The following PKD1L1 variants were observed in gnomAD, a reference collection of about 807,000 sequenced individuals.
PKD1L1 encodes polycystin 1 like 1, transient receptor potential channel interacting.
Under a neutral mutation model 323.4 loss-of-function variants are expected in PKD1L1, and 236 were observed. The ratio of observed to expected loss-of-function variants is 0.73; its 90% CI spans 0.66 to 0.81. The LOEUF is 0.81. PKD1L1 is among the 40% of genes least tolerant of loss of function. PKD1L1 has a pLI of 0.00. For missense variants in PKD1L1, 3,320 were observed against 3,508.0 expected (o/e 0.95, Z 1.35); for synonymous variants, 1,344 against 1,335.0 (o/e 1.01, Z -0.15).
intron 15 of PKD1L1, among the ~76,000 whole-genome samples, chr7:47,892,169 A>G (rs748508395): frequency 1.3e-5 from 2 of 152,198 alleles, no homozygotes; most frequent in Admixed American, 1.3e-4. Context: ...GAAAGATGCC[A>G]TCAAATCAGG....
chr7:47,780,195 A>G (rs12113948), intron 56 of PKD1L1, among the ~76,000 whole-genome samples: 1 of 151,952 alleles, frequency 6.6e-6, no homozygotes, highest in Non-Finnish European at 1.5e-5. Context: ...AATTAACGTA[A>G]AGAACATTCC....
chr7:47,778,565 C>A (rs1786621307), intron 56 of PKD1L1, among the ~76,000 whole-genome samples: 1 of 152,116 alleles, frequency 6.6e-6, no homozygotes, highest in Non-Finnish European at 1.5e-5. Flanking sequence ...CAATAATGCA[C>A]CTGTATTTGA....
intron 56 of PKD1L1, among the ~76,000 whole-genome samples, chr7:47,786,271 G>A (rs1354876718): frequency 6.6e-6 from 1 of 152,204 alleles, no homozygotes; most frequent in Non-Finnish European, 1.5e-5. Flanking sequence ...GAAAAGCTAA[G>A]TATTCTAAAT....
intron 56 of PKD1L1, among the ~76,000 whole-genome samples, chr7:47,788,578 T>TATATATATATA (rs372725570): frequency 9.7e-5 from 7 of 71,920 alleles, no homozygotes; most frequent in South Asian, 7.3e-4. Flanking sequence ...TATATATATA[T>TATATATATATA]TTTTTTTTTT....
At chr7:47,832,572 T>C (rs1012369200) in intron 41 of PKD1L1, among the ~76,000 whole-genome samples, 2 of 152,172 alleles carry the variant, frequency 1.3e-5, no homozygotes, top group African/African-American at 4.8e-5. Context: ...AACCATCTGC[T>C]CATGTACCAT....
chr7:47,917,961 T>A (rs1787463498), intron 7 of PKD1L1, among the ~76,000 whole-genome samples: 1 of 152,076 alleles, frequency 6.6e-6, no homozygotes, highest in Non-Finnish European at 1.5e-5. Context: ...AATAGCATGA[T>A]GAATGGAATG....
intron 14 of PKD1L1, among the ~76,000 whole-genome samples, chr7:47,897,291 C>T (rs1191619156): frequency 6.6e-6 from 1 of 152,190 alleles, no homozygotes; most frequent in Non-Finnish European, 1.5e-5. Context: ...GAACAAAGCT[C>T]CTTCGCTGCA....
In PKD1L1 at chr7:47,905,959, G is replaced by A. The variant is rs775944104; in HGVS notation, c.1406C>T (p.Thr469Ile). 1.3e-5 allele frequency: 20 copies of A among 1,591,770 alleles called. No individual in the cohort carries two copies. The highest frequency in any genetic ancestry group is 1.7e-4 in the Middle Eastern group (1 of 6,028). ...AGATGGAAAGTGATGTATAACCACA[G>A]TGCCTAAAATGAGAAAAAAAGGAGA... ...FADSQVNQKS[T>I]VVIHHFPSIP... Residue 469 changes from threonine to isoleucine, a missense_variant, in exon 10 of 57, where the codon ACT becomes ATT. Coordinates refer to ENST00000289672, the MANE Select transcript of PKD1L1 (RefSeq NM_138295.5).
chr7:47,919,738 T>C (rs1829730), intron 7 of PKD1L1, among the ~76,000 whole-genome samples: 108,316 of 152,060 alleles, frequency 0.71, 39,569 homozygotes, highest in African/African-American at 0.88. Context: ...ATATGATACA[T>C]CACATAAACA....
chr7:47,787,549 A>G (rs1786836591), intron 56 of PKD1L1, among the ~76,000 whole-genome samples: 1 of 152,210 alleles, frequency 6.6e-6, no homozygotes. Flanking sequence ...GTAACTGTAT[A>G]AGGACTCACA....
intron 14 of PKD1L1, among the ~76,000 whole-genome samples, chr7:47,896,706 C>G (rs899630418): frequency 6.6e-5 from 10 of 152,136 alleles, no homozygotes; most frequent in African/African-American, 1.9e-4. Flanking sequence ...GAAGAGCAGC[C>G]TCACCCTCCT....
In PKD1L1 at chr7:47,774,850, T is replaced by C; in HGVS notation, c.*293A>G. ...TCAGTAAAACAAACAAATAAGACAATATGTAACTCTAGGGCAACTGGCAAA... is the reference window on the plus strand; with the variant it reads ...TCAGTAAAACAAACAAATAAGACAACATGTAACTCTAGGGCAACTGGCAAA... On this transcript the variant is annotated 3_prime_UTR_variant, in exon 57 of 57. Transcript: ENST00000289672. 3.1e-6 allele frequency: 1 copy of C among 319,466 alleles called. No individual in the cohort carries two copies. The highest frequency in any genetic ancestry group is 7.6e-5 in the South Asian group (1 of 13,082). 19.8% of individuals were successfully genotyped at this position (319,466 alleles called of 1,614,324 possible).
chr7:47,797,865 T>C (rs1784576282), intron 54 of PKD1L1, among the ~76,000 whole-genome samples: 1 of 152,246 alleles, frequency 6.6e-6, no homozygotes, highest in Non-Finnish European at 1.5e-5. Flanking sequence ...CACTTCTAGT[T>C]AGGCTTTAAA....
intron 56 of PKD1L1, among the ~76,000 whole-genome samples, chr7:47,787,743 ACT>A (rs1455322234): frequency 1.3e-5 from 2 of 151,990 alleles, no homozygotes; most frequent in African/African-American, 2.4e-5. Context: ...ACAGGTTTTC[ACT>A]CTGTTTCCCA....
chr7:47,832,419 CT>C (rs1208758619), intron 41 of PKD1L1, among the ~76,000 whole-genome samples: 5 of 152,194 alleles, frequency 3.3e-5, no homozygotes, highest in Non-Finnish European at 4.4e-5. Flanking sequence ...CAGAAAGGAT[CT>C]TTTTTGTGCC....
chr7:47,843,564 C>G (rs1785606027), intron 33 of PKD1L1, among the ~76,000 whole-genome samples: 1 of 152,208 alleles, frequency 6.6e-6, no homozygotes, highest in East Asian at 1.9e-4. Flanking sequence ...TCCTCCCTCT[C>G]TCCCTCTCCT....
At chr7:47,871,166 AT>A (rs200105063) in intron 24 of PKD1L1, among the ~76,000 whole-genome samples, 1,746 of 152,242 alleles carry the variant, frequency 0.011, 21 homozygotes, top group Non-Finnish European at 0.014. Context: ...AAAAAGATGT[AT>A]ACATCATGAC....
chr7:47,858,652 T>G, intron 27 of PKD1L1, 21 bp downstream of exon 27: 2 of 1,590,288 alleles, frequency 1.3e-6, no homozygotes, highest in African/African-American at 1.3e-5. Context: ...TTTTTATGGA[T>G]GGAGAAAAAG....
Position 47,872,438 on chromosome 7 carries a change from A to G in PKD1L1, c.3896+1461T>C, listed in dbSNP as rs559867811. On this transcript the variant is annotated intron_variant, in intron 24 of 56. Coordinates refer to ENST00000289672, the MANE Select transcript of PKD1L1 (RefSeq NM_138295.5). ...GGCAGCATAGTACTGGTATGAGAAGAGACATTCAGACTAATGGAATAGAAT... is the reference window on the plus strand; with the variant it reads ...GGCAGCATAGTACTGGTATGAGAAGGGACATTCAGACTAATGGAATAGAAT... 3.3e-5 allele frequency among the ~76,000 whole-genome samples: 5 copies of G among 152,352 alleles called. No homozygotes were observed. The South Asian group carries it at 1.0e-3, about 32-fold the overall frequency.
Sources: allele counts gnomAD v4.1 joint callset (sites outside exome capture counted in the v4.1 genomes callset), GRCh38; gene constraint gnomAD v4.1.1; transcripts MANE v1.5; gene names NCBI Gene and HGNC (gene_info 2026-07-23, HGNC 2026-07-21).